The following MAPK10 variants were observed in gnomAD, a reference collection of about 807,000 sequenced individuals.
MAPK10 encodes JNK3 alpha protein kinase.
In MAPK10, 25 loss-of-function variants were observed where a neutral mutation model predicts 59.3. The ratio of observed to expected loss-of-function variants is 0.42; its 90% confidence interval spans 0.31 to 0.59. MAPK10 has a LOEUF of 0.59. Among genes scored for constraint, MAPK10 ranks in the 20% least tolerant of loss-of-function variants. The pLI is 0.15. For synonymous variants in MAPK10, 190 were observed against 200.5 expected, an observed-to-expected ratio of 0.95 and a Z score of 0.44; for missense variants, 351 against 568.9, an observed-to-expected ratio of 0.62 and a Z score of 3.90.
intron 11 of MAPK10, among the ~76,000 whole-genome samples, chr4:86,062,960 C>A (rs573577375): frequency 1.3e-5 from 2 of 151,958 alleles, no homozygotes; most frequent in Non-Finnish European, 2.9e-5. Flanking sequence ...TGGTAAGAAT[C>A]AAATAAAATG....
chr4:86,375,014 C>T (rs189745505), intron 1 of MAPK10, among the ~76,000 whole-genome samples: 1 of 152,326 alleles, frequency 6.6e-6, no homozygotes, highest in Admixed American at 6.5e-5. Flanking sequence ...TCGGATATTG[C>T]TTCTGCTCTT....
chr4:86,559,010 G>A (rs1760474130), intron 1 of MAPK10, among the ~76,000 whole-genome samples: 1 of 152,070 alleles, frequency 6.6e-6, no homozygotes, highest in Non-Finnish European at 1.5e-5. Flanking sequence ...GTGAACTGAA[G>A]ACCTGCTATA....
intron 1 of MAPK10, among the ~76,000 whole-genome samples, chr4:86,368,688 T>A (rs2148991374): frequency 6.6e-6 from 1 of 152,318 alleles, no homozygotes; most frequent in Non-Finnish European, 1.5e-5. Flanking sequence ...CAAAATTATG[T>A]CCCTTTGTGG....
intron 1 of MAPK10, chr4:86,542,664 C>A (rs1309712188): frequency 2.6e-5 from 4 of 154,278 alleles, no homozygotes; most frequent in African/African-American, 9.6e-5. Context: ...TCAACCGTAC[C>A]CTAGCTCAGG....
At chr4:86,054,273 T>C (rs1277750064) in intron 11 of MAPK10, among the ~76,000 whole-genome samples, 1 of 152,148 alleles carries the variant, frequency 6.6e-6, no homozygotes, top group East Asian at 1.9e-4. Context: ...ATATTCCTAT[T>C]ATAAGTCATA....
intron 1 of MAPK10, chr4:86,356,510 C>T: frequency 1.1e-6 from 1 of 912,108 alleles, no homozygotes. Context: ...ATAAGAAATA[C>T]AGCTTCTCCC....
At chr4:86,425,117 A>G (rs977748635) in intron 1 of MAPK10, among the ~76,000 whole-genome samples, 2 of 152,200 alleles carry the variant, frequency 1.3e-5, no homozygotes, top group African/African-American at 4.8e-5. Context: ...TTGAAAGTCA[A>G]GCAAAGAAAG....
At chr4:86,412,366 T>A (rs751867570) in intron 1 of MAPK10, among the ~76,000 whole-genome samples, 1 of 152,194 alleles carries the variant, frequency 6.6e-6, no homozygotes, top group Admixed American at 6.5e-5. Context: ...GTGAATCTGA[T>A]GATTATGTGT....
At chr4:86,451,514 C>T (rs898277757) in intron 1 of MAPK10, among the ~76,000 whole-genome samples, 1 of 152,098 alleles carries the variant, frequency 6.6e-6, no homozygotes, top group Non-Finnish European at 1.5e-5. Context: ...GTTGACTTCC[C>T]CAGAACCAGA....
intron 1 of MAPK10, among the ~76,000 whole-genome samples, chr4:86,382,141 C>A (rs1164589167): frequency 6.6e-6 from 1 of 152,030 alleles, no homozygotes; most frequent in African/African-American, 2.4e-5. Flanking sequence ...CCAGACTCTG[C>A]CAAATGTCCC....
chr4:86,162,539 C>G (rs1253519607), intron 3 of MAPK10, among the ~76,000 whole-genome samples: 1 of 151,936 alleles, frequency 6.6e-6, no homozygotes, highest in Non-Finnish European at 1.5e-5. Context: ...GGTTTTTCAG[C>G]CCTTTGTGAT....
intron 2 of MAPK10, among the ~76,000 whole-genome samples, chr4:86,317,134 A>T (rs13130598): frequency 0.62 from 93,603 of 151,872 alleles, 29,342 homozygotes; most frequent in South Asian, 0.74. Context: ...GCCACCCAGT[A>T]TGCTGCATTC....
At chr4:86,511,243 G>T (rs564815867) in intron 1 of MAPK10, among the ~76,000 whole-genome samples, 13 of 151,480 alleles carry the variant, frequency 8.6e-5, no homozygotes, top group Non-Finnish European at 1.9e-4. Context: ...CAACATTTTG[G>T]GAGGCCAAGG....
intron 1 of MAPK10, among the ~76,000 whole-genome samples, chr4:86,392,071 G>A (rs1248556986): frequency 6.6e-6 from 1 of 152,092 alleles, no homozygotes; most frequent in Non-Finnish European, 1.5e-5. Context: ...ACACTGGATC[G>A]GGTGTTATCA....
At chr4:86,443,324 C>T (rs1000781190) in intron 1 of MAPK10, among the ~76,000 whole-genome samples, 3 of 152,102 alleles carry the variant, frequency 2.0e-5, no homozygotes, top group Non-Finnish European at 2.9e-5. Context: ...CTCTACTTAA[C>T]AAGGCCTGCC....
chr4:86,441,153 A>G (rs1220662701), intron 1 of MAPK10, among the ~76,000 whole-genome samples: 1 of 152,182 alleles, frequency 6.6e-6, no homozygotes, highest in Admixed American at 6.5e-5. Flanking sequence ...GCATTGCCAG[A>G]TATAGGAAAT....
intron 2 of MAPK10, among the ~76,000 whole-genome samples, chr4:86,222,496 T>C (rs2089855937): frequency 6.6e-6 from 1 of 152,198 alleles, no homozygotes; most frequent in Non-Finnish European, 1.5e-5. Flanking sequence ...ACTTGGGGCA[T>C]CGCCTTAGGG....
At chr4:86,061,845 C>A (rs1470822407) in intron 11 of MAPK10, among the ~76,000 whole-genome samples, 2 of 152,088 alleles carry the variant, frequency 1.3e-5, no homozygotes, top group African/African-American at 2.4e-5. Context: ...TTTGATACTT[C>A]CATTTATTTG....
At chr4:86,060,533 T>C (rs763598719) in intron 11 of MAPK10, among the ~76,000 whole-genome samples, 1 of 152,052 alleles carries the variant, frequency 6.6e-6, no homozygotes, top group Admixed American at 6.5e-5. Flanking sequence ...CCACTCTCAG[T>C]GGTAAAGCCA....
Sources: gnomAD v4.1 joint callset for allele counts (sites outside exome capture counted in the v4.1 genomes callset) on GRCh38, gnomAD v4.1.1 for gene constraint, MANE v1.5 for transcripts, NCBI Gene and HGNC (gene_info 2026-07-23, HGNC 2026-07-21) for gene names.